The following HNRNPDL variants were observed in gnomAD, a reference collection of about 807,000 sequenced individuals.
HNRNPDL encodes the protein heterogeneous nuclear ribonucleoprotein D-like.
HNRNPDL carries 18 observed loss-of-function variants against 48.0 expected under a neutral mutation model. The observed-to-expected ratio is 0.38, with a 90% CI of 0.26 to 0.56. HNRNPDL has a LOEUF of 0.56. Ranked by LOEUF, HNRNPDL falls within the 20% of genes least tolerant of loss-of-function variation. The pLI, the probability that HNRNPDL is intolerant of heterozygous loss-of-function variation, is 0.77. For synonymous variants in HNRNPDL, 306 were observed against 207.3 expected, an observed-to-expected ratio of 1.48 and a Z score of -4.09; for missense variants, 553 against 540.7, an observed-to-expected ratio of 1.02 and a Z score of -0.23.
chr4:82,427,076 C>A (rs1388198453), intron 5 of HNRNPDL, 114 bp downstream of exon 5: 3 of 792,838 alleles, frequency 3.8e-6, no homozygotes, highest in South Asian at 2.9e-5. Flanking sequence ...AACAGTCCCC[C>A]CTCCGCTGGA....
Position 82,424,720 on chromosome 4 carries a change from C to G in HNRNPDL, c.*186G>C, listed in dbSNP as rs1004630271. On this transcript the variant is annotated 3_prime_UTR_variant, in exon 8 of 8. Transcript: ENST00000295470. ...CCACATTGAGTCATAACACAGATAG[C>G]AAAGGACAAAGTAAAAACAAAGAAA... 6.6e-6 allele frequency: 1 copy of G among 152,502 alleles called. No homozygotes were observed. The highest frequency in any genetic ancestry group is 1.5e-5 in the Non-Finnish European group (1 of 68,030). 9.4% of individuals were successfully genotyped at this position (152,502 alleles called of 1,614,324 possible). A position where few individuals can be genotyped will look rare whatever the true frequency, so the allele number is the denominator to read the frequency against.
At chr4:82,425,914 A>G in intron 7 of HNRNPDL, 123 bp downstream of exon 7, 2 of 658,620 alleles carry the variant, frequency 3.0e-6, no homozygotes, top group Non-Finnish European at 5.3e-6. Context: ...TCATAAAGCA[A>G]TTAAAAAATC....
intron 5 of HNRNPDL, 27 bp from the exon 6 acceptor site, chr4:82,426,660 G>A (rs916350570): frequency 6.2e-7 from 1 of 1,602,106 alleles, no homozygotes; most frequent in African/African-American, 1.3e-5. Flanking sequence ...TGATTGTTAG[G>A]AAACAACTTC....
chr4:82,428,484 A>T, intron 1 of HNRNPDL, 38 bp from the exon 2 acceptor site: 1 of 1,477,154 alleles, frequency 6.8e-7, no homozygotes, highest in Non-Finnish European at 9.3e-7. Context: ...ATTAACAATA[A>T]CTCAAATGAT....
At position 82,429,714 on chromosome 4, in the gene HNRNPDL, A is replaced by C. The variant is rs1231250656; in HGVS notation, c.-24T>G. The C allele has an allele frequency of 1.5e-6, 2 of 1,341,138 alleles. No homozygotes were observed. Among genetic ancestry groups the C allele is most frequent in the East Asian group, 6.1e-5 (2 of 32,656 alleles). 83.1% of individuals were successfully genotyped at this position (1,341,138 alleles called of 1,614,324 possible). ...ATCGCGGCCCTCCCGGCAAGGAGAG[A>C]GGCCACGCGTGAGGGGACGCGGGCT... On this transcript the variant is annotated 5_prime_UTR_variant, in exon 1 of 8. Coordinates refer to ENST00000295470, the MANE Select transcript of HNRNPDL (RefSeq NM_031372.4).
rs1721606109 is a variant in HNRNPDL, at chr4:82,429,500, T to TGGGCGGTGACG, written c.180_190dup (p.Gln64ProfsTer16). The TGGGCGGTGACG allele has an allele frequency of 1.3e-6, 2 of 1,547,430 alleles. No homozygotes were observed. Among genetic ancestry groups the TGGGCGGTGACG allele is most frequent in the African/African-American group, 1.4e-5 (1 of 71,666 alleles). ...CCCGCCCGCCAATCGGGAGGGCTGC[T>TGGGCGGTGACG]GGGCGGTGACGTGGCGCTGGGCCCG... On this transcript the variant is annotated frameshift_variant, in exon 1 of 8. Coordinates refer to ENST00000295470, the MANE Select transcript of HNRNPDL (RefSeq NM_031372.4). LOFTEE classifies it high-confidence loss of function.
In HNRNPDL at chr4:82,428,087, A is replaced by G; in HGVS notation, c.705T>C (p.Val235=). ...ALKGKEPPKK[V]FVGGLSPDTS... ...TATCCGGGCTCAATCCACCCACAAA[A>G]ACCTTTTTGGGAGGTTCTTTCCCTT... is the stretch of plus-strand genomic sequence containing the variant. Residue 235 remains valine (V), a synonymous_variant, in exon 3 of 8, where the codon GTT becomes GTC. Coordinates refer to ENST00000295470, the MANE Select transcript of HNRNPDL (RefSeq NM_031372.4). 1 of 1,614,050 alleles carries G rather than the reference A, an allele frequency of 6.2e-7. No individual in the cohort carries two copies. The highest frequency in any genetic ancestry group is 8.5e-7 in the Non-Finnish European group (1 of 1,179,958).
chr4:82,427,073 C>A, intron 5 of HNRNPDL, 117 bp downstream of exon 5: 1 of 785,188 alleles, frequency 1.3e-6, no homozygotes, highest in Non-Finnish European at 2.2e-6. Flanking sequence ...CTGAACAGTC[C>A]CCCCTCCGCT....
rs1721304672 is a variant in HNRNPDL, at chr4:82,423,923, T to C, written c.*983A>G. 1.3e-5 allele frequency: 2 copies of C among 152,226 alleles called. No homozygotes were observed. Among genetic ancestry groups the C allele is most frequent in the South Asian group, 4.1e-4 (2 of 4,836 alleles). 9.4% of individuals were successfully genotyped at this position (152,226 alleles called of 1,614,324 possible). A position where few individuals can be genotyped will look rare whatever the true frequency, so the allele number is the denominator to read the frequency against. ...AACTAGATTTACTATCAAGACTTTT[T>C]CTAAACTCACAGAGCATTAACAGCT... On this transcript the variant is annotated 3_prime_UTR_variant, in exon 8 of 8. Transcript: ENST00000295470.
chr4:82,427,623 A>G, intron 3 of HNRNPDL, 59 bp from the exon 4 acceptor site: 1 of 1,539,362 alleles, frequency 6.5e-7, no homozygotes, highest in Non-Finnish European at 8.9e-7. Context: ...ACAGTGTCAG[A>G]ATGCCAAAGG....
In HNRNPDL at chr4:82,429,539, C is replaced by T; in HGVS notation, c.152G>A (p.Arg51Gln). ...LLPSLAPSSA[R>Q]QGARRAQRHV... ...GCGCTGGGCCCGGCGCGCCCCCTGC[C>T]GGGCGGAGCTGGGAGCGAGCGAAGG... Residue 51 changes from arginine (R) to glutamine (Q), a missense_variant, in exon 1 of 8, where the codon CGG (arginine) becomes CAG (glutamine). Physicochemically the swap from Arg to Gln is conservative, Grantham distance 43 (BLOSUM62 1). Coordinates refer to ENST00000295470, the MANE Select transcript of HNRNPDL (RefSeq NM_031372.4). 1 of 1,477,158 alleles carries T rather than the reference C, an allele frequency of 6.8e-7. No homozygotes were observed. The highest frequency in any genetic ancestry group is 8.9e-7 in the Non-Finnish European group (1 of 1,117,326). The allele number at this position is 1,477,158 out of a possible 1,614,324, so 91.5% of individuals were successfully genotyped here.
In HNRNPDL at chr4:82,430,152, C is replaced by G. The variant is rs986297207; in HGVS notation, c.-462G>C. ...GCGGGCGCCTCTTCCACTGTGACCA[C>G]GGGCGCGCGGGCCAAGGGGGCGCGG... On this transcript the variant is annotated 5_prime_UTR_variant, in exon 1 of 8. Coordinates refer to ENST00000295470, the MANE Select transcript of HNRNPDL (RefSeq NM_031372.4). 2.0e-5 allele frequency: 3 copies of G among 152,520 alleles called. No homozygotes were observed. The highest frequency in any genetic ancestry group is 2.0e-4 in the Admixed American group (3 of 15,294). The allele number at this position is 152,520 out of a possible 1,614,324, so 9.4% of individuals were successfully genotyped here. A position where few individuals can be genotyped will look rare whatever the true frequency, so the allele number is the denominator to read the frequency against.
Position 82,427,509 on chromosome 4 carries a change from C to G in HNRNPDL, c.830G>C (p.Cys277Ser), listed in dbSNP as rs1350266239. The G allele has an allele frequency of 6.2e-7, 1 of 1,609,482 alleles. No homozygotes were observed. The highest frequency in any genetic ancestry group is 8.5e-7 in the Non-Finnish European group (1 of 1,178,278). Reference protein sequence around the residue: ...DTKTNERRGFCFITYTDEEPV... With the variant: ...DTKTNERRGFSFITYTDEEPV... Reference sequence around the variant, plus strand: ...CTCTTCATCAGTATATGTGATAAAACAAAATCCTCTTCTTTCATTTGTTTT... The same window carrying G: ...CTCTTCATCAGTATATGTGATAAAAGAAAATCCTCTTCTTTCATTTGTTTT... The change falls in exon 4 of 8, where the codon TGT becomes TCT. Residue 277 changes from cysteine to serine, a missense_variant. Cys to Ser is a moderately radical substitution (Grantham distance 112). This residue lies in a region of HNRNPDL where 174 missense variants were observed against 204.6 expected (regional missense o/e 0.85). Transcript: ENST00000295470.
chr4:82,424,323 C>G lies in HNRNPDL; in HGVS notation c.*583G>C, dbSNP rs1405047616. 3.3e-5 allele frequency: 5 copies of G among 152,402 alleles called. No individual in the cohort carries two copies. The highest frequency in any genetic ancestry group is 4.8e-5 in the African/African-American group (2 of 41,462). The allele number at this position is 152,402 out of a possible 1,614,324, so 9.4% of individuals were successfully genotyped here. ...TACAATCCAGAAGAAATATGGTCTA[C>G]TAGAAAGCTTCTACTAATCACAACA... On this transcript the variant is annotated 3_prime_UTR_variant, in exon 8 of 8. Coordinates refer to ENST00000295470, the MANE Select transcript of HNRNPDL (RefSeq NM_031372.4).
At position 82,429,569 on chromosome 4, in the gene HNRNPDL, A is replaced by G. The variant is rs973402068; in HGVS notation, c.122T>C (p.Leu41Pro). 2 of 1,414,378 alleles carry G rather than the reference A, an allele frequency of 1.4e-6. No individual in the cohort carries two copies. Among genetic ancestry groups the G allele is most frequent in the South Asian group, 1.6e-5 (1 of 64,484 alleles). The allele number at this position is 1,414,378 out of a possible 1,614,324, so 87.6% of individuals were successfully genotyped here. ...GGAGCTGGGAGCGAGCGAAGGGAGG[A>G]GCGGGGCTAGCTGCCGCGGCGGCCG... ...RPRPPRQLAP[L>P]LPSLAPSSAR... The change falls in exon 1 of 8, where the codon CTC becomes CCC. Residue 41 changes from leucine (L) to proline (P), a missense_variant. Transcript: ENST00000295470.
At chr4:82,427,916 T>C in intron 3 of HNRNPDL, 102 bp downstream of exon 3, 4 of 1,164,130 alleles carry the variant, frequency 3.4e-6, no homozygotes, top group Non-Finnish European at 4.9e-6. Context: ...GTCATTTAAT[T>C]CTACTCTTAC....
chr4:82,425,851 G>A (rs1239074224), intron 7 of HNRNPDL, 186 bp downstream of exon 7: 2 of 528,078 alleles, frequency 3.8e-6, no homozygotes, highest in African/African-American at 1.9e-5. Flanking sequence ...ACTAAAGAAA[G>A]TGAGATAAGA....
chr4:82,425,986 C>T, intron 7 of HNRNPDL, 51 bp downstream of exon 7: 7 of 1,185,594 alleles, frequency 5.9e-6, no homozygotes, highest in Non-Finnish European at 8.8e-6. Context: ...GTCTATTGAT[C>T]TTTAAATTAA....
Position 82,429,721 on chromosome 4 carries a change from G to C in HNRNPDL, c.-31C>G. On this transcript the variant is annotated 5_prime_UTR_variant, in exon 1 of 8. Coordinates refer to ENST00000295470, the MANE Select transcript of HNRNPDL (RefSeq NM_031372.4). ...CCCTCCCGGCAAGGAGAGAGGCCACGCGTGAGGGGACGCGGGCTTGGGAGA... is the reference window on the plus strand; with the variant it reads ...CCCTCCCGGCAAGGAGAGAGGCCACCCGTGAGGGGACGCGGGCTTGGGAGA... The C allele has an allele frequency of 1.7e-5, 22 of 1,326,208 alleles. No homozygotes were observed. Among genetic ancestry groups the C allele is most frequent in the Non-Finnish European group, 2.0e-5 (21 of 1,038,280 alleles). 82.2% of individuals were successfully genotyped at this position (1,326,208 alleles called of 1,614,324 possible). A position where few individuals can be genotyped will look rare whatever the true frequency, so the allele number is the denominator to read the frequency against.
Sources: gnomAD v4.1 joint callset for allele counts on GRCh38, gnomAD v4.1.1 for gene constraint, gnomAD v4.1.1 regional missense constraint, MANE v1.5 for transcripts, NCBI Gene and HGNC (gene_info 2026-07-23, HGNC 2026-07-21) for gene names.